ARMH4: variants seen among roughly 807,000 people sequenced by gnomAD.
ARMH4 encodes the protein armadillo like helical domain containing 4, also known as armadillo-like helical domain-containing protein 4.
A neutral mutation model predicts 61.9 loss-of-function variants in ARMH4; 49 were observed. The ratio of observed to expected loss-of-function variants is 0.79; its 90% CI spans 0.63 to 1.00. ARMH4 has a LOEUF of 1.00. Ranked by LOEUF, ARMH4 falls within the 50% of genes least tolerant of loss-of-function variation. ARMH4 has a pLI of 0.00. For synonymous variants in ARMH4, 368 were observed against 341.5 expected (o/e 1.08, Z -0.85); for missense variants, 934 against 930.0 (o/e 1.00, Z -0.06).
At chr14:58,098,641 A>C (rs1262399325) in intron 4 of ARMH4, among the ~76,000 whole-genome samples, 1 of 152,214 alleles carries the variant, frequency 6.6e-6, no homozygotes, top group Non-Finnish European at 1.5e-5. Context: ...CCAGTGGAGG[A>C]AATGGCAAGG....
chr14:58,099,176 A>G (rs987428927), intron 4 of ARMH4, among the ~76,000 whole-genome samples: 1 of 152,218 alleles, frequency 6.6e-6, no homozygotes, highest in African/African-American at 2.4e-5. Flanking sequence ...TTGGAAGTCT[A>G]GGGAAGTTTC....
intron 4 of ARMH4, among the ~76,000 whole-genome samples, chr14:58,114,689 T>C (rs1886463056): frequency 6.6e-6 from 1 of 152,164 alleles, no homozygotes; most frequent in African/African-American, 2.4e-5. Context: ...CAAATACTCA[T>C]AAGAGAATCT....
chr14:58,015,747 T>G (rs1428112391), intron 5 of ARMH4, among the ~76,000 whole-genome samples: 1 of 138,904 alleles, frequency 7.2e-6, no homozygotes, highest in African/African-American at 2.7e-5. Context: ...AAAGAAATAT[T>G]TTTAGTTAAA....
chr14:58,105,769 T>C (rs1393031053), intron 4 of ARMH4, among the ~76,000 whole-genome samples: 1 of 151,724 alleles, frequency 6.6e-6, no homozygotes, highest in Non-Finnish European at 1.5e-5. Flanking sequence ...CCTATGTCAA[T>C]AACCAGTGAT....
At chr14:58,079,744 C>A (rs1032288415) in intron 5 of ARMH4, among the ~76,000 whole-genome samples, 10 of 152,244 alleles carry the variant, frequency 6.6e-5, no homozygotes, top group African/African-American at 2.4e-4. Flanking sequence ...CTGGATGTGC[C>A]CTTCCAACCC....
intron 1 of ARMH4, among the ~76,000 whole-genome samples, chr14:58,140,399 G>A (rs913804955): frequency 1.3e-5 from 2 of 151,858 alleles, no homozygotes; most frequent in Non-Finnish European, 1.5e-5. Context: ...TGGCCAACAT[G>A]GTGAAACCCC....
intron 5 of ARMH4, among the ~76,000 whole-genome samples, chr14:58,047,282 C>G (rs1883975224): frequency 6.6e-6 from 1 of 152,162 alleles, no homozygotes; most frequent in Non-Finnish European, 1.5e-5. Flanking sequence ...AATGAGAGCA[C>G]AAGATTTAAA....
intron 5 of ARMH4, among the ~76,000 whole-genome samples, chr14:58,093,282 A>G (rs1051682606): frequency 4.6e-5 from 7 of 152,060 alleles, no homozygotes; most frequent in African/African-American, 1.4e-4. Flanking sequence ...AACTAATAAT[A>G]CACCTGGCCT....
In ARMH4 at chr14:58,092,601, G is replaced by A. The variant is rs115831920; in HGVS notation, c.2089+4123C>T. 4.9e-3 allele frequency among the ~76,000 whole-genome samples: 741 copies of A among 152,278 alleles called. 12 individuals carry two copies. The highest frequency in any genetic ancestry group is 0.017 in the African/African-American group (703 of 41,554). ...GCAGGGTTGCATTCCTTCCAGAGGCGTTGGAGGAGAATCAGTTTCCTTGCC... is the reference window on the plus strand; with the variant it reads ...GCAGGGTTGCATTCCTTCCAGAGGCATTGGAGGAGAATCAGTTTCCTTGCC... On this transcript the variant is annotated intron_variant, in intron 5 of 7. Transcript: ENST00000267485.
intron 5 of ARMH4, among the ~76,000 whole-genome samples, chr14:58,024,325 G>C (rs2141152836): frequency 6.6e-6 from 1 of 152,230 alleles, no homozygotes; most frequent in Admixed American, 6.5e-5. Context: ...ATATTATGGA[G>C]GCAGCTTCTT....
At chr14:58,135,782 T>C (rs1016247213) in intron 2 of ARMH4, among the ~76,000 whole-genome samples, 1 of 152,166 alleles carries the variant, frequency 6.6e-6, no homozygotes, top group African/African-American at 2.4e-5. Flanking sequence ...CTGAAGAAGA[T>C]AATGTCCTAA....
intron 4 of ARMH4, among the ~76,000 whole-genome samples, chr14:58,106,307 G>A (rs951820118): frequency 2.0e-5 from 3 of 152,102 alleles, no homozygotes; most frequent in Non-Finnish European, 4.4e-5. Flanking sequence ...CCTAACAATA[G>A]TGAAAAACCT....
chr14:58,005,473 T>TA (rs1882132735), intron 6 of ARMH4, among the ~76,000 whole-genome samples: 1 of 152,210 alleles, frequency 6.6e-6, no homozygotes, highest in Non-Finnish European at 1.5e-5. Context: ...CCTCAGGTTC[T>TA]GATGACAGAA....
intron 5 of ARMH4, among the ~76,000 whole-genome samples, chr14:58,026,097 T>C (rs1439889554): frequency 6.6e-6 from 1 of 151,976 alleles, no homozygotes; most frequent in Non-Finnish European, 1.5e-5. Context: ...GGGTTATTTA[T>C]TAGTGCTAAT....
At chr14:58,128,122 A>C (rs1226303356) in intron 4 of ARMH4, among the ~76,000 whole-genome samples, 1 of 152,238 alleles carries the variant, frequency 6.6e-6, no homozygotes, top group Non-Finnish European at 1.5e-5. Context: ...ATTTAGAGTA[A>C]GCAGATATCT....
intron 6 of ARMH4, among the ~76,000 whole-genome samples, chr14:58,008,906 G>T (rs898569355): frequency 1.3e-5 from 2 of 152,110 alleles, no homozygotes; most frequent in African/African-American, 4.8e-5. Context: ...CAACAGGTCT[G>T]GTCTTTATTA....
At chr14:58,043,176 C>T (rs1448477760) in intron 5 of ARMH4, among the ~76,000 whole-genome samples, 1 of 152,044 alleles carries the variant, frequency 6.6e-6, no homozygotes, top group Non-Finnish European at 1.5e-5. Flanking sequence ...GACCAATATC[C>T]CTGAAGAACA....
chr14:58,058,906 C>G (rs1453526179), intron 5 of ARMH4, among the ~76,000 whole-genome samples: 1 of 152,146 alleles, frequency 6.6e-6, no homozygotes, highest in African/African-American at 2.4e-5. Flanking sequence ...ATTTTTCCAC[C>G]ATTGTTTTTC....
At chr14:58,114,835 A>C (rs1383959630) in intron 4 of ARMH4, among the ~76,000 whole-genome samples, 1 of 152,214 alleles carries the variant, frequency 6.6e-6, no homozygotes, top group African/African-American at 2.4e-5. Context: ...ATAACAAGCA[A>C]TGGAGAAAGG....
Sources: gnomAD v4.1 joint callset for allele counts (sites outside exome capture counted in the v4.1 genomes callset) on GRCh38, gnomAD v4.1.1 for gene constraint, MANE v1.5 for transcripts, NCBI Gene and HGNC (gene_info 2026-07-23, HGNC 2026-07-21) for gene names.